FNBP4: variants seen among roughly 807,000 people sequenced by gnomAD.
The protein encoded by FNBP4 is formin-binding protein 4.
In FNBP4, 34 loss-of-function variants were observed where a neutral mutation model predicts 119.3. The ratio of observed to expected loss-of-function variants is 0.28; its 90% CI spans 0.22 to 0.38. The LOEUF (loss-of-function observed/expected upper bound fraction) is 0.38, where lower values mean the gene tolerates loss of function less well. Among genes scored for constraint, FNBP4 ranks in the 10% least tolerant of loss-of-function variants. FNBP4 has a pLI of 1.00. For synonymous variants in FNBP4, 462 were observed against 430.6 expected (o/e 1.07, Z -0.90); for missense variants, 1,112 against 1,228.9 (o/e 0.90, Z 1.42).
rs974253252 is a variant in FNBP4, at chr11:47,742,309, T to C, written c.1456+1644A>G. On this transcript the variant is annotated intron_variant, in intron 8 of 16. Coordinates refer to ENST00000263773, the MANE Select transcript of FNBP4 (RefSeq NM_015308.5). Reference sequence around the variant, plus strand: ...GCCTGGCCAACATGGTGAAATCCCATTTCCACTAACAACACAAAAACTAGC... The same window carrying C: ...GCCTGGCCAACATGGTGAAATCCCACTTCCACTAACAACACAAAAACTAGC... Among the ~76,000 whole-genome samples, 4 of 150,996 alleles carry C rather than the reference T, an allele frequency of 2.6e-5. No individual in the cohort carries two copies. The East Asian group carries it at 7.8e-4, about 29-fold the overall frequency.
chr11:47,724,211 T>C (rs2135075784), intron 13 of FNBP4, 39 bp from the exon 14 acceptor site: 6 of 1,609,240 alleles, frequency 3.7e-6, no homozygotes, highest in East Asian at 2.2e-5. Flanking sequence ...CTGAAGGCCA[T>C]GGTTAAACAT....
intron 3 of FNBP4, among the ~76,000 whole-genome samples, chr11:47,753,836 C>G (rs2097609706): frequency 6.6e-6 from 1 of 152,168 alleles, no homozygotes; most frequent in Non-Finnish European, 1.5e-5. Context: ...CTAAGCTTCT[C>G]AAATCAAAAC....
chr11:47,735,802 C>T lies in FNBP4; in HGVS notation c.1581+814G>A, dbSNP rs115669308. Among the ~76,000 whole-genome samples the T allele has an allele frequency of 8.9e-3, 1,353 of 152,024 alleles. 25 individuals carry two copies. The highest frequency in any genetic ancestry group is 0.031 in the African/African-American group (1,291 of 41,490). On this transcript the variant is annotated intron_variant, in intron 9 of 16. Coordinates refer to ENST00000263773, the MANE Select transcript of FNBP4 (RefSeq NM_015308.5). ...AATGGCATTAAAAAAAAATGGGGCC[C>T]GGTGCGGTGGCTCATGCCTGTAATC...
rs201398419 is a variant in FNBP4, at chr11:47,728,198, C to CA, written c.2008+3175dup. The stretch of plus-strand genomic sequence containing the variant: ...GCCTACGCAGCTTTTATTACGTGCT[C>CA]AAAGATTTAAAAGCTACAAGCTTAA... On this transcript the variant is annotated intron_variant, in intron 12 of 16. Transcript: ENST00000263773. 7.9e-4 allele frequency among the ~76,000 whole-genome samples: 119 copies of CA among 151,444 alleles called. 2 individuals are homozygous for CA. The East Asian group carries it at 0.021, about 27-fold the overall frequency.
Position 47,743,985 on chromosome 11 carries a change from G to A in FNBP4, c.1424C>T (p.Thr475Ile). Residue 475 changes from threonine (T) to isoleucine (I), a missense_variant, in exon 8 of 17, where the codon ACT becomes ATT. Physicochemically the swap from Thr to Ile is moderately conservative, Grantham distance 89 (BLOSUM62 -1). Transcript: ENST00000263773. ...PESTSRSSSK[T>I]GRDTPENGET... ...TCCATTTTCTGGAGTATCTCGTCCAGTTTTACTAGAACTCCTACTGGTAGA... is the reference window on the plus strand; with the variant it reads ...TCCATTTTCTGGAGTATCTCGTCCAATTTTACTAGAACTCCTACTGGTAGA... 1 of 1,614,152 alleles carries A rather than the reference G, an allele frequency of 6.2e-7. No homozygotes were observed. Among genetic ancestry groups the A allele is most frequent in the Non-Finnish European group, 8.5e-7 (1 of 1,180,020 alleles).
At chr11:47,744,862 G>A (rs903756050) in intron 7 of FNBP4, among the ~76,000 whole-genome samples, 2 of 152,088 alleles carry the variant, frequency 1.3e-5, no homozygotes, top group African/African-American at 2.4e-5. Context: ...ATTTGTATAA[G>A]TCTGAGTAAT....
chr11:47,723,307 G>T lies in FNBP4; in HGVS notation c.2474C>A (p.Ala825Glu), dbSNP rs755610762. 6.2e-7 allele frequency: 1 copy of T among 1,608,384 alleles called. No individual in the cohort carries two copies. Among genetic ancestry groups the T allele is most frequent in the Non-Finnish European group, 8.5e-7 (1 of 1,175,972 alleles). Residue 825 changes from alanine to glutamate, a missense_variant, in exon 15 of 17, where the codon GCA becomes GAA. Coordinates refer to ENST00000263773, the MANE Select transcript of FNBP4 (RefSeq NM_015308.5). ...SQSAIATGHQ[A>E]AGIGNQATGI... is the part of the protein sequence containing the mutation. ...TGTTGCCTGGTTTCCAATCCCTGCT[G>T]CCTGGTGACCTAACACAGAAAACAT...
intron 8 of FNBP4, among the ~76,000 whole-genome samples, chr11:47,740,046 T>C (rs10838756): frequency 0.93 from 140,999 of 151,790 alleles, 66,395 homozygotes; most frequent in East Asian, 1. Context: ...GTGATCCGTC[T>C]GTCTCGGTCT....
intron 6 of FNBP4, among the ~76,000 whole-genome samples, chr11:47,747,935 G>A (rs1029748492): frequency 2.7e-5 from 4 of 146,316 alleles, no homozygotes; most frequent in Non-Finnish European, 6.0e-5. Flanking sequence ...ATGACAGTGT[G>A]AGAGACTGTC....
chr11:47,767,117 T>TCGTCGCCGC lies in FNBP4; in HGVS notation c.171_172insGCGGCGACG (p.Thr57_Thr58insAlaAlaThr). 1.9e-6 allele frequency: 1 copy of TCGTCGCCGC among 516,388 alleles called. No homozygotes were observed. Among genetic ancestry groups the TCGTCGCCGC allele is most frequent in the Non-Finnish European group, 2.9e-6 (1 of 349,016 alleles). 32.0% of individuals were successfully genotyped at this position (516,388 alleles called of 1,614,324 possible). A position where few individuals can be genotyped will look rare whatever the true frequency, so the allele number is the denominator to read the frequency against. On this transcript the variant is annotated inframe_insertion, in exon 1 of 17. Transcript: ENST00000263773. ...GCCGCGGCGGCAGTCACCGCGGTGGTGGTGGTCGTCGCCGCCGACGGGGCG... is the reference window on the plus strand; with the variant it reads ...GCCGCGGCGGCAGTCACCGCGGTGGTCGTCGCCGCGGTGGTCGTCGCCGCCGACGGGGCG...
Position 47,767,337 on chromosome 11 carries a change from G to C in FNBP4, c.-49C>G. 2 of 1,419,800 alleles carry C rather than the reference G, an allele frequency of 1.4e-6. No homozygotes were observed. The highest frequency in any genetic ancestry group is 2.9e-5 in the South Asian group (2 of 68,226). The allele number at this position is 1,419,800 out of a possible 1,614,324, so 88.0% of individuals were successfully genotyped here. On this transcript the variant is annotated 5_prime_UTR_variant, in exon 1 of 17. Coordinates refer to ENST00000263773, the MANE Select transcript of FNBP4 (RefSeq NM_015308.5). The stretch of plus-strand genomic sequence containing the variant: ...AGCGTCGGGCGGCCGAGAGGGGCGG[G>C]CACTGGAGGCTGGGCGCTGGGCCCT...
chr11:47,760,860 G>C (rs975584174), intron 2 of FNBP4, among the ~76,000 whole-genome samples: 1 of 152,178 alleles, frequency 6.6e-6, no homozygotes, highest in African/African-American at 2.4e-5. Context: ...TGACCGCCTA[G>C]ATTCCATATA....
At chr11:47,762,652 C>T (rs1416321381) in intron 2 of FNBP4, among the ~76,000 whole-genome samples, 1 of 151,648 alleles carries the variant, frequency 6.6e-6, no homozygotes, top group African/African-American at 2.4e-5. Flanking sequence ...ATGGCTCATG[C>T]GTTTAATCCC....
chr11:47,751,242 C>T lies in FNBP4; in HGVS notation c.686G>A (p.Gly229Glu). The change falls in exon 5 of 17, where the codon GGA (glycine) becomes GAA (glutamate). Residue 229 changes from glycine to glutamate, a missense_variant. Physicochemically the swap from Gly to Glu is moderately conservative, Grantham distance 98. This residue lies in a region of FNBP4 where 826 missense variants were observed against 988.8 expected (regional missense o/e 0.84). Coordinates refer to ENST00000263773, the MANE Select transcript of FNBP4 (RefSeq NM_015308.5). ...TTGTGTATTCCAATAATAATAACAT[C>T]CCGTGTTCTCATCCCAGACTTCCTG... ...DWQEVWDENTGCYYYWNTQTN... is the reference protein window; with the variant it reads ...DWQEVWDENTECYYYWNTQTN... The T allele has an allele frequency of 6.2e-7, 1 of 1,614,110 alleles. No homozygotes were observed. Among genetic ancestry groups the T allele is most frequent in the Non-Finnish European group, 8.5e-7 (1 of 1,180,016 alleles).
chr11:47,743,976 T>A lies in FNBP4; in HGVS notation c.1433A>T (p.Asp478Val). The A allele has an allele frequency of 6.2e-7, 1 of 1,614,216 alleles. No homozygotes were observed. The stretch of plus-strand genomic sequence containing the variant: ...ACCAGTTTCTCCATTTTCTGGAGTA[T>A]CTCGTCCAGTTTTACTAGAACTCCT... ...TSRSSSKTGR[D>V]TPENGETAIG... The change falls in exon 8 of 17, where the codon GAT becomes GTT. Residue 478 changes from aspartate to valine, a missense_variant. Transcript: ENST00000263773.
Position 47,752,934 on chromosome 11 carries a change from G to T in FNBP4, c.619C>A (p.Gln207Lys). The T allele has an allele frequency of 6.2e-7, 1 of 1,613,328 alleles. No individual in the cohort carries two copies. The highest frequency in any genetic ancestry group is 1.1e-5 in the South Asian group (1 of 90,996). ...AGTTTACCTCCTGCCAGTGAACACT[G>T]AGTATCATATTGCCAACCAGATGTT... ...TQTSGWQYDT[Q>K]CSLAGVGIEM... The change falls in exon 4 of 17, where the codon CAG becomes AAG. Residue 207 changes from glutamine to lysine, a missense_variant. Around this residue, in one of 2 missense-constraint regions of FNBP4, gnomAD observed 826 missense variants for 988.8 expected, o/e 0.84. Transcript: ENST00000263773.
chr11:47,749,974 C>T (rs948868458), intron 6 of FNBP4, among the ~76,000 whole-genome samples: 5 of 151,948 alleles, frequency 3.3e-5, no homozygotes, highest in African/African-American at 9.7e-5. Flanking sequence ...ATATGGAATC[C>T]GAAAAATAAT....
intron 8 of FNBP4, among the ~76,000 whole-genome samples, chr11:47,738,529 C>T (rs2097577287): frequency 6.6e-6 from 1 of 152,050 alleles, no homozygotes; most frequent in South Asian, 2.1e-4. Flanking sequence ...TGCACCATTG[C>T]AGTCCAGTCT....
chr11:47,760,058 A>C (rs1022821659), intron 2 of FNBP4, among the ~76,000 whole-genome samples: 1 of 152,192 alleles, frequency 6.6e-6, no homozygotes, highest in Non-Finnish European at 1.5e-5. Flanking sequence ...TTTTCATTAC[A>C]AAATTTCCCA....
Sources: allele counts gnomAD v4.1 joint callset (sites outside exome capture counted in the v4.1 genomes callset), GRCh38; gene constraint gnomAD v4.1.1; regional missense constraint gnomAD v4.1.1; transcripts MANE v1.5; gene names NCBI Gene and HGNC (gene_info 2026-07-23, HGNC 2026-07-21).